The following LYRM4 variants were observed in gnomAD, a reference collection of about 807,000 sequenced individuals.
LYRM4 encodes LYR motif containing 4, also known as LYR motif-containing protein 4.
LYRM4 carries 9 observed loss-of-function variants against 11.7 expected under a neutral mutation model. The observed-to-expected ratio is 0.77, with a 90% CI of 0.46 to 1.34. The LOEUF (loss-of-function observed/expected upper bound fraction) is 1.34. Among genes scored for constraint, LYRM4 ranks in the 40% most tolerant of loss-of-function variants. The pLI, the probability that LYRM4 is intolerant of heterozygous loss-of-function variation, is 0.00. For missense variants in LYRM4, 133 were observed against 112.5 expected, an observed-to-expected ratio of 1.18 and a Z score of -0.82; for synonymous variants, 42 against 40.4, an observed-to-expected ratio of 1.04 and a Z score of -0.15.
At chr6:5,244,003 G>A (rs1764028767) in intron 1 of LYRM4, among the ~76,000 whole-genome samples, 1 of 152,168 alleles carries the variant, frequency 6.6e-6, no homozygotes, top group African/African-American at 2.4e-5. Flanking sequence ...TGAAGACACC[G>A]TATTTCTAAC....
At chr6:5,187,640 A>G (rs1446156376) in intron 2 of LYRM4, among the ~76,000 whole-genome samples, 1 of 152,184 alleles carries the variant, frequency 6.6e-6, no homozygotes, top group East Asian at 1.9e-4. Context: ...GCATTAGGAG[A>G]AATACCCAAT....
chr6:5,179,065 C>CAAAAAAAAAAAAAA (rs58749743), intron 2 of LYRM4, among the ~76,000 whole-genome samples: 7 of 103,898 alleles, frequency 6.7e-5, no homozygotes, highest in African/African-American at 1.2e-4. Context: ...ACCAAAAAAA[C>CAAAAAAAAAAAAAA]AAAAAAAAAA....
intron 2 of LYRM4, among the ~76,000 whole-genome samples, chr6:5,151,082 GA>G (rs200927430): frequency 2.4e-4 from 27 of 113,520 alleles, no homozygotes; most frequent in South Asian, 1.6e-3. Flanking sequence ...TGTTTGTTTT[GA>G]ATTTTTTTTT....
intron 2 of LYRM4, among the ~76,000 whole-genome samples, chr6:5,200,188 G>A (rs912823227): frequency 2.0e-5 from 3 of 152,158 alleles, no homozygotes; most frequent in African/African-American, 7.2e-5. Flanking sequence ...CATGATAAGC[G>A]TGTCTCCAGA....
chr6:5,161,274 T>C (rs1321513043), intron 2 of LYRM4, among the ~76,000 whole-genome samples: 1 of 152,198 alleles, frequency 6.6e-6, no homozygotes, highest in Non-Finnish European at 1.5e-5. Flanking sequence ...TGTTTGCTCT[T>C]TGGCTGGCAG....
At chr6:5,185,955 C>T (rs543592149) in intron 2 of LYRM4, among the ~76,000 whole-genome samples, 38 of 152,134 alleles carry the variant, frequency 2.5e-4, no homozygotes, top group Non-Finnish European at 4.7e-4. Flanking sequence ...GCTGGGAGAG[C>T]CTCCTGGAGT....
downstream of LYRM4, chr6:5,103,366 T>C (rs1762560493): frequency 6.6e-6 from 1 of 152,194 alleles, no homozygotes; most frequent in African/African-American, 2.4e-5. Flanking sequence ...TCTCAGCAAA[T>C]GTGTACATTC....
intron 2 of LYRM4, among the ~76,000 whole-genome samples, chr6:5,141,825 A>C (rs938811355): frequency 6.6e-6 from 1 of 152,184 alleles, no homozygotes; most frequent in African/African-American, 2.4e-5. Context: ...AGAAAACGTT[A>C]AAGTTTCCAA....
chr6:5,112,881 A>C (rs1762948163), intron 2 of LYRM4, among the ~76,000 whole-genome samples: 1 of 152,176 alleles, frequency 6.6e-6, no homozygotes, highest in South Asian at 2.1e-4. Context: ...CAGAGACAGA[A>C]ATGGGCTGAG....
the LYRM4 span, among the ~76,000 whole-genome samples, chr6:5,082,475 C>T: frequency 6.6e-6 from 1 of 152,086 alleles, no homozygotes; most frequent in African/African-American, 2.4e-5. Context: ...TCCTAAGGCA[C>T]CTCCCTCCCC....
intron 2 of LYRM4, among the ~76,000 whole-genome samples, chr6:5,208,356 A>G (rs957755729): frequency 2.6e-5 from 4 of 152,258 alleles, no homozygotes; most frequent in African/African-American, 4.8e-5. Context: ...GCCAGAGTTA[A>G]TAATATCTGC....
chr6:5,117,865 C>A (rs1486273431), intron 2 of LYRM4, among the ~76,000 whole-genome samples: 1 of 151,810 alleles, frequency 6.6e-6, no homozygotes, highest in Non-Finnish European at 1.5e-5. Context: ...AGCAACATAG[C>A]AAGACCCAGT....
intron 2 of LYRM4, among the ~76,000 whole-genome samples, chr6:5,156,467 C>T (rs769252112): frequency 1.1e-4 from 16 of 152,186 alleles, no homozygotes; most frequent in Non-Finnish European, 1.9e-4. Context: ...GGCAGCCAAT[C>T]CACTGGTAGC....
At chr6:5,031,962 TC>T in the LYRM4 span, 1 of 152,236 alleles carries the variant, frequency 6.6e-6, no homozygotes, top group Non-Finnish European at 1.5e-5. Context: ...GGCATATTTT[TC>T]TACTTTGTTC....
Position 5,138,470 on chromosome 6 carries a change from G to T in LYRM4, c.208-28979C>A, listed in dbSNP as rs367765192. 1.5e-4 allele frequency among the ~76,000 whole-genome samples: 16 copies of T among 104,576 alleles called. No individual in the cohort carries two copies. In the South Asian group the frequency reaches 5.3e-3, roughly 35 times the overall value. 68.6% of individuals were successfully genotyped at this position (104,576 alleles called of 152,430 possible). ...AACTGTACTTCAGCCTGGGCCAACA[G>T]AGTGAGACCCTGTCTCCAAAAAAAA... On this transcript the variant is annotated intron_variant, in intron 2 of 2. Coordinates refer to ENST00000330636, the MANE Select transcript of LYRM4 (RefSeq NM_020408.6).
chr6:5,112,269 C>A (rs1229410031), intron 2 of LYRM4, among the ~76,000 whole-genome samples: 1 of 152,358 alleles, frequency 6.6e-6, no homozygotes, highest in East Asian at 1.9e-4. Context: ...TCTCCACCCC[C>A]CTGAGAGCCC....
chr6:5,085,699 G>T, the LYRM4 span: 1 of 1,547,726 alleles, frequency 6.5e-7, no homozygotes, highest in South Asian at 1.2e-5. Context: ...GGAGCAGGAG[G>T]AGCTGCTGGA....
intron 2 of LYRM4, among the ~76,000 whole-genome samples, chr6:5,187,648 A>G (rs756262430): frequency 7.2e-4 from 109 of 152,254 alleles, no homozygotes; most frequent in South Asian, 1.5e-3. Context: ...AGAAATACCC[A>G]ATGTAAATGA....
chr6:5,148,830 C>T (rs1278052033), intron 2 of LYRM4, among the ~76,000 whole-genome samples: 1 of 152,122 alleles, frequency 6.6e-6, no homozygotes, highest in African/African-American at 2.4e-5. Flanking sequence ...TATAAATATA[C>T]ATATAAAAAT....
Sources: gnomAD v4.1 joint callset for allele counts (sites outside exome capture counted in the v4.1 genomes callset) on GRCh38, gnomAD v4.1.1 for gene constraint, MANE v1.5 for transcripts, NCBI Gene and HGNC (gene_info 2026-07-23, HGNC 2026-07-21) for gene names.